The following CLK3 variants were observed in gnomAD, a reference collection of about 807,000 sequenced individuals.
CLK3 encodes the protein CDC like kinase 3.
Under a neutral mutation model 65.2 loss-of-function variants are expected in CLK3, and 24 were observed. The ratio of observed to expected loss-of-function variants is 0.37; its 90% CI spans 0.27 to 0.52. The LOEUF (loss-of-function observed/expected upper bound fraction) is 0.52. Among genes scored for constraint, CLK3 ranks in the 20% least tolerant of loss-of-function variants. The pLI is 0.92. For synonymous variants in CLK3, 252 were observed against 240.8 expected, an observed-to-expected ratio of 1.05 and a Z score of -0.43; for missense variants, 506 against 660.0, an observed-to-expected ratio of 0.77 and a Z score of 2.56.
At position 74,629,747 on chromosome 15, in the gene CLK3, T is replaced by C; in HGVS notation, c.1337T>C (p.Phe446Ser). The C allele has an allele frequency of 6.2e-7, 1 of 1,613,560 alleles. No homozygotes were observed. The highest frequency in any genetic ancestry group is 8.5e-7 in the Non-Finnish European group (1 of 1,179,738). ...LQDSLEHVQL[F>S]DLMRRMLEFD... ...GACTCCCTGGAGCACGTGCAGCTGT[T>C]TGACCTGATGAGGAGGATGTTAGAA... Residue 446 changes from phenylalanine (F) to serine (S), a missense_variant, in exon 13 of 13, where the codon TTT becomes TCT. Physicochemically the swap from Phe to Ser is radical, Grantham distance 155. Coordinates refer to ENST00000395066, the MANE Select transcript of CLK3 (RefSeq NM_001130028.2).
At chr15:74,610,622 C>T (rs1176837216) in intron 1 of CLK3, among the ~76,000 whole-genome samples, 1 of 152,258 alleles carries the variant, frequency 6.6e-6, no homozygotes, top group Non-Finnish European at 1.5e-5. Context: ...CTGCTTTTGG[C>T]TGTTATCTAT....
chr15:74,623,956 A>G (rs1404062992), intron 5 of CLK3: 1 of 152,216 alleles, frequency 6.6e-6, no homozygotes, highest in Non-Finnish European at 1.5e-5. Flanking sequence ...GCCGGAGTGC[A>G]TGGCCTTTCC....
chr15:74,629,241 G>A, intron 12 of CLK3: 1 of 666,694 alleles, frequency 1.5e-6, no homozygotes, highest in Non-Finnish European at 2.8e-6. Context: ...TTCCCCATAG[G>A]GTGGCTATGA....
At chr15:74,616,039 C>G (rs1347210877) in intron 1 of CLK3, 141 bp downstream of exon 1, 2 of 621,282 alleles carry the variant, frequency 3.2e-6, no homozygotes, top group East Asian at 3.5e-5. Flanking sequence ...GCCGCGACCT[C>G]TCACCCCTGA....
In CLK3 at chr15:74,624,612, T is replaced by A; in HGVS notation, c.534-290T>A. The A allele has an allele frequency of 2.2e-6, 1 of 456,238 alleles. No individual in the cohort carries two copies. The highest frequency in any genetic ancestry group is 4.0e-6 in the Non-Finnish European group (1 of 247,066). 28.3% of individuals were successfully genotyped at this position (456,238 alleles called of 1,614,324 possible). On this transcript the variant is annotated intron_variant, in intron 5 of 12. Transcript: ENST00000395066. The surrounding 1 kb of genome is among the most constrained non-coding windows in gnomAD (Gnocchi z 4.2). ...TTGGACTGGCACTGGTTAAGCAGGA[T>A]TGGCCTCTACTCTCCCACACTCCTT...
At position 74,621,767 on chromosome 15, in the gene CLK3, C is replaced by G. The variant is rs551416567; in HGVS notation, c.370-353C>G. 4 of 359,024 alleles carry G rather than the reference C, an allele frequency of 1.1e-5. No individual in the cohort carries two copies. The highest frequency in any genetic ancestry group is 6.4e-5 in the South Asian group (3 of 46,808). 22.2% of individuals were successfully genotyped at this position (359,024 alleles called of 1,614,324 possible). A position where few individuals can be genotyped will look rare whatever the true frequency, so the allele number is the denominator to read the frequency against. Reference sequence around the variant, plus strand: ...ACTCGGAGGAGGAGGAGGAGGGAGTCGGGGCGATGGCTCTCCTCACAGCGT... The same window carrying G: ...ACTCGGAGGAGGAGGAGGAGGGAGTGGGGGCGATGGCTCTCCTCACAGCGT... On this transcript the variant is annotated intron_variant, in intron 3 of 12. Coordinates refer to ENST00000395066, the MANE Select transcript of CLK3 (RefSeq NM_001130028.2). The surrounding 1 kb of genome is among the most constrained non-coding windows in gnomAD (Gnocchi z 4.8).
chr15:74,614,388 A>G (rs1196892175), upstream of CLK3, among the ~76,000 whole-genome samples: 1 of 152,104 alleles, frequency 6.6e-6, no homozygotes, highest in Non-Finnish European at 1.5e-5. Flanking sequence ...ATCATAGCTC[A>G]CTGCAATCTC....
intron 1 of CLK3, among the ~76,000 whole-genome samples, chr15:74,610,083 G>T (rs2061969035): frequency 6.6e-6 from 1 of 152,274 alleles, no homozygotes; most frequent in African/African-American, 2.4e-5. Flanking sequence ...GTGTGGGGCA[G>T]AGTCAAAGGT....
intron 10 of CLK3, 95 bp downstream of exon 10, chr15:74,628,147 C>T: frequency 1.2e-6 from 1 of 813,942 alleles, no homozygotes; most frequent in South Asian, 1.4e-5. Flanking sequence ...GATGAGAAGA[C>T]AGGTGTCTTC....
chr15:74,623,429 C>T (rs2062119021), intron 5 of CLK3, among the ~76,000 whole-genome samples: 2 of 152,228 alleles, frequency 1.3e-5, no homozygotes, highest in Non-Finnish European at 2.9e-5. Flanking sequence ...GAGCTGGCCA[C>T]CACTGCGCTG....
Position 74,624,902 on chromosome 15 carries a change from A to G in CLK3, c.534A>G (p.Arg178=). 1 of 1,601,864 alleles carries G rather than the reference A, an allele frequency of 6.2e-7. No individual in the cohort carries two copies. Among genetic ancestry groups the G allele is most frequent in the Non-Finnish European group, 8.5e-7 (1 of 1,173,732 alleles). ...CCTCTGTTTCCTTCCCGGGTACCAG[A>G]GGGAAGTCTCAGGTTGCCCTGAAGA... The part of the protein sequence containing the change: ...GKVVECLDHA[R]GKSQVALKII... Residue 178 remains arginine, a splice_region_variant and synonymous_variant, in exon 6 of 13, where the codon AGA becomes AGG. Transcript: ENST00000395066. The surrounding 1 kb of genome is among the most constrained non-coding windows in gnomAD (Gnocchi z 4.2).
At position 74,620,141 on chromosome 15, in the gene CLK3, G is replaced by A. The variant is rs1308675003; in HGVS notation, c.285G>A (p.Ser95=). 1.4e-5 allele frequency: 22 copies of A among 1,614,114 alleles called. No individual in the cohort carries two copies. The highest frequency in any genetic ancestry group is 4.0e-5 in the African/African-American group (3 of 75,036). Reference sequence around the variant, plus strand: ...CACGTTCTCGTCATCGTCGGCGATCGCGGGAGAGGGGGCCATACCGGACCC... The same window carrying A: ...CACGTTCTCGTCATCGTCGGCGATCACGGGAGAGGGGGCCATACCGGACCC... ...GPSRSRHRRR[S]RERGPYRTRK... Residue 95 remains serine (S), a synonymous_variant, in exon 3 of 13, where the codon TCG becomes TCA. Transcript: ENST00000395066.
In CLK3 at chr15:74,627,890, C is replaced by A; in HGVS notation, c.1043-80C>A. On this transcript the variant is annotated intron_variant, in intron 9 of 12. Transcript: ENST00000395066. This position sits in a 1 kb window ranked among gnomAD's most constrained non-coding sequence, Gnocchi z 4.3. ...GGATTTGGGCAAGAGTCCTGCCAGCCGGTGTGGTGGCTGCCTTGTGACTTC... is the reference window on the plus strand; with the variant it reads ...GGATTTGGGCAAGAGTCCTGCCAGCAGGTGTGGTGGCTGCCTTGTGACTTC... The A allele has an allele frequency of 2.4e-6, 3 of 1,259,000 alleles. No individual in the cohort carries two copies. The highest frequency in any genetic ancestry group is 1.2e-5 in the South Asian group (1 of 82,562). The allele number at this position is 1,259,000 out of a possible 1,614,324, so 78.0% of individuals were successfully genotyped here. A position where few individuals can be genotyped will look rare whatever the true frequency, so the allele number is the denominator to read the frequency against.
At chr15:74,625,770 C>A in intron 6 of CLK3, 32 bp from the exon 7 acceptor site, 1 of 1,612,492 alleles carries the variant, frequency 6.2e-7, no homozygotes, top group South Asian at 1.1e-5. Flanking sequence ...CCCCAGCACA[C>A]AGCCTGAGCC....
At position 74,627,858 on chromosome 15, in the gene CLK3, C is replaced by A; in HGVS notation, c.1043-112C>A. The A allele has an allele frequency of 8.5e-7, 1 of 1,182,682 alleles. No individual in the cohort carries two copies. Among genetic ancestry groups the A allele is most frequent in the South Asian group, 1.3e-5 (1 of 76,762 alleles). The allele number at this position is 1,182,682 out of a possible 1,614,324, so 73.3% of individuals were successfully genotyped here. On this transcript the variant is annotated intron_variant, in intron 9 of 12. Coordinates refer to ENST00000395066, the MANE Select transcript of CLK3 (RefSeq NM_001130028.2). This position sits in a 1 kb window ranked among gnomAD's most constrained non-coding sequence, Gnocchi z 4.3. ...TGTCAGCCTTACTGAGAGAGGGCCT[C>A]GTACTGGGATTTGGGCAAGAGTCCT...
chr15:74,622,049 C>A lies in CLK3; in HGVS notation c.370-71C>A. ...TCTCCACCTCTGCCTTTGACTGACA[C>A]CTCAATCTGTCAATCGGAACCGCCT... On this transcript the variant is annotated intron_variant, in intron 3 of 12. Transcript: ENST00000395066. This position sits in a 1 kb window ranked among gnomAD's most constrained non-coding sequence, Gnocchi z 4.6. 7.0e-7 allele frequency: 1 copy of A among 1,438,516 alleles called. No individual in the cohort carries two copies. The highest frequency in any genetic ancestry group is 9.8e-7 in the Non-Finnish European group (1 of 1,022,376). 89.1% of individuals were successfully genotyped at this position (1,438,516 alleles called of 1,614,324 possible).
intron 7 of CLK3, among the ~76,000 whole-genome samples, chr15:74,626,398 G>T (rs2062143725): frequency 6.6e-6 from 1 of 152,238 alleles, no homozygotes; most frequent in Admixed American, 6.5e-5. Context: ...ATTTGGCAGT[G>T]CCAGGGCTCA....
intron 2 of CLK3, among the ~76,000 whole-genome samples, chr15:74,619,697 C>T (rs559840260): frequency 4.6e-5 from 7 of 152,270 alleles, no homozygotes; most frequent in African/African-American, 1.7e-4. Flanking sequence ...ATCTTAGCTC[C>T]CAGGTCAAAC....
chr15:74,629,307 C>T, intron 12 of CLK3: 1 of 562,024 alleles, frequency 1.8e-6, no homozygotes, highest in Non-Finnish European at 3.2e-6. Context: ...TGCTTCCTGT[C>T]CCTCTCTCTC....
Sources: allele counts gnomAD v4.1 joint callset (sites outside exome capture counted in the v4.1 genomes callset), GRCh38; gene constraint gnomAD v4.1.1; non-coding constraint Gnocchi (gnomAD v3.1); transcripts MANE v1.5; gene names NCBI Gene and HGNC (gene_info 2026-07-23, HGNC 2026-07-21).